The following TECTA variants were observed in gnomAD, a reference collection of about 807,000 sequenced individuals.
TECTA encodes the protein tectorin alpha.
Under a neutral mutation model 216.8 loss-of-function variants are expected in TECTA, and 128 were observed. The ratio of observed to expected loss-of-function variants is 0.59; its 90% confidence interval spans 0.51 to 0.68. The LOEUF is 0.68. TECTA is among the 30% of genes least tolerant of loss of function. The pLI is 0.00. For synonymous variants in TECTA, 1,089 were observed against 1,117.1 expected (o/e 0.97, Z 0.50); for missense variants, 2,551 against 2,786.2 (o/e 0.92, Z 1.90).
chr11:121,155,258 C>G (rs1472692818), intron 13 of TECTA, among the ~76,000 whole-genome samples: 2 of 152,186 alleles, frequency 1.3e-5, no homozygotes, highest in Non-Finnish European at 2.9e-5. Context: ...GTTTCAGGAT[C>G]AGATTCTCTT....
At chr11:121,176,776 A>C (rs1947171648) in intron 20 of TECTA, among the ~76,000 whole-genome samples, 1 of 152,028 alleles carries the variant, frequency 6.6e-6, no homozygotes, top group African/African-American at 2.4e-5. Context: ...GTATTTTCCA[A>C]CTTGGTTCCA....
In TECTA at chr11:121,105,438, A is replaced by C. The variant is rs914298227; in HGVS notation, c.65-393A>C. Among the ~76,000 whole-genome samples, 2 of 152,228 alleles carry C rather than the reference A, an allele frequency of 1.3e-5. No homozygotes were observed. The highest frequency in any genetic ancestry group is 2.4e-5 in the African/African-American group (1 of 41,468). ...TTTCAGGAAAACACACGATAGTGGA[A>C]TTCTTGAGCTAGAACAGGAGCTTCA... On this transcript the variant is annotated intron_variant, in intron 2 of 23. Transcript: ENST00000392793. The surrounding 1 kb of genome is among the most constrained non-coding windows in gnomAD (Gnocchi z 5.3).
Position 121,129,970 on chromosome 11 carries a change from G to T in TECTA, c.2700G>T (p.Ser900=). The part of the protein sequence containing the change: ...GDLLKACNND[S]ELLKFYRSRS... ...TGCTGAAGGCCTGCAACAATGACTC[G>T]GAGCTGCTCAAGTTTTATCGAAGCC... is the stretch of plus-strand genomic sequence containing the variant. Residue 900 remains serine, a synonymous_variant, in exon 10 of 24, where the codon TCG becomes TCT. Transcript: ENST00000392793. 6.2e-7 allele frequency: 1 copy of T among 1,605,504 alleles called. No individual in the cohort carries two copies. The highest frequency in any genetic ancestry group is 8.5e-7 in the Non-Finnish European group (1 of 1,174,464).
chr11:121,158,309 C>A, intron 14 of TECTA, 85 bp downstream of exon 14: 2 of 1,550,780 alleles, frequency 1.3e-6, no homozygotes, highest in South Asian at 1.1e-5. Flanking sequence ...CCCAGATAGC[C>A]AAGTTGTAGG....
chr11:121,157,518 A>G (rs1946953433), intron 13 of TECTA, among the ~76,000 whole-genome samples: 1 of 152,176 alleles, frequency 6.6e-6, no homozygotes. Flanking sequence ...GCTTGAGTCC[A>G]GGCGTTCCGG....
intron 13 of TECTA, among the ~76,000 whole-genome samples, chr11:121,154,922 C>A (rs1946926339): frequency 1.3e-5 from 2 of 152,182 alleles, no homozygotes; most frequent in South Asian, 4.1e-4. Flanking sequence ...AAGAAAAGCC[C>A]TTGGAACTCT....
intron 3 of TECTA, among the ~76,000 whole-genome samples, chr11:121,106,573 A>G (rs1201160485): frequency 6.6e-6 from 1 of 152,104 alleles, no homozygotes; most frequent in Non-Finnish European, 1.5e-5. Context: ...TTTTTGGATC[A>G]TTGGGTTTGC....
chr11:121,174,860 A>C (rs146482525), intron 20 of TECTA, among the ~76,000 whole-genome samples: 4,907 of 152,266 alleles, frequency 0.032, 264 homozygotes, highest in African/African-American at 0.11. Flanking sequence ...TTATTTCCAC[A>C]ATTTCAGAGC....
intron 20 of TECTA, among the ~76,000 whole-genome samples, chr11:121,175,379 TC>T (rs1191334387): frequency 6.6e-6 from 1 of 152,204 alleles, no homozygotes; most frequent in African/African-American, 2.4e-5. Context: ...TCCCAGAGAT[TC>T]TGGTATGTTG....
Position 121,146,129 on chromosome 11 carries a change from C to G in TECTA, c.4105+13C>G, listed in dbSNP as rs7130952. 6.2e-7 allele frequency: 1 copy of G among 1,603,488 alleles called. No homozygotes were observed. The highest frequency in any genetic ancestry group is 8.5e-7 in the Non-Finnish European group (1 of 1,179,872). ...TACACGTCCTGCAGTGAGTCCTTCT[C>G]GTTGTCCCTCCTTGTAGCTTCTCCT... On this transcript the variant is annotated intron_variant, in intron 12 of 23. Transcript: ENST00000392793.
chr11:121,135,126 G>A (rs969426291), intron 10 of TECTA, among the ~76,000 whole-genome samples: 10 of 152,192 alleles, frequency 6.6e-5, no homozygotes, highest in East Asian at 3.9e-4. Flanking sequence ...TCAGGCCGCC[G>A]AGCACTAAGG....
intron 11 of TECTA, chr11:121,141,114 T>A (rs594951): frequency 6.6e-6 from 1 of 152,002 alleles, no homozygotes; most frequent in South Asian, 2.1e-4. Flanking sequence ...AAGCTCAGGG[T>A]GCATTGAGGG....
intron 6 of TECTA, among the ~76,000 whole-genome samples, chr11:121,116,048 C>T (rs777290665): frequency 2.0e-5 from 3 of 152,190 alleles, no homozygotes; most frequent in Non-Finnish European, 2.9e-5. Context: ...TTAGTGCCTT[C>T]GCTCTAAGGT....
chr11:121,116,378 G>C (rs963468094), intron 6 of TECTA, among the ~76,000 whole-genome samples: 2 of 152,206 alleles, frequency 1.3e-5, no homozygotes, highest in Admixed American at 6.5e-5. Flanking sequence ...GCATCACAGA[G>C]ATGACTGGCT....
chr11:121,109,260 C>T lies in TECTA; in HGVS notation c.248C>T (p.Thr83Met), dbSNP rs145898158. The T allele has an allele frequency of 9.8e-5, 158 of 1,614,034 alleles. 1 individual carries two copies. Among genetic ancestry groups the T allele is most frequent in the South Asian group, 1.6e-4 (15 of 91,084 alleles). Residue 83 changes from threonine (T) to methionine (M), a missense_variant, in exon 4 of 24, where the codon ACG becomes ATG. By Grantham distance (81) the Thr-to-Met change is moderately conservative. Around this residue, in one of 3 missense-constraint regions of TECTA, gnomAD observed 2,375 missense variants for 2,563.9 expected, o/e 0.93. Transcript: ENST00000392793. ...VSFNVLVSQF[T>M]PESFPLTDGR... ...TTCAATGTGCTAGTGAGCCAGTTCA[C>T]GCCAGAATCCTTTCCCCTGACAGAT...
intron 17 of TECTA, 95 bp from the exon 18 acceptor site, chr11:121,166,483 T>C: frequency 7.6e-7 from 1 of 1,314,258 alleles, no homozygotes; most frequent in Non-Finnish European, 1.1e-6. Flanking sequence ...GTCATTTGCC[T>C]CTTCTAAAGG....
At chr11:121,155,514 A>G (rs1001540151) in intron 13 of TECTA, among the ~76,000 whole-genome samples, 1 of 152,196 alleles carries the variant, frequency 6.6e-6, no homozygotes. Context: ...AAGAATCAGC[A>G]ATAGCATCTT....
chr11:121,129,467 T>G (rs1202564776), intron 9 of TECTA, among the ~76,000 whole-genome samples, 171 bp from the exon 10 acceptor site: 1 of 152,018 alleles, frequency 6.6e-6, no homozygotes. Context: ...CAAAAAGAAA[T>G]AAATAAAGAA....
At chr11:121,147,506 C>T (rs929793204) in intron 12 of TECTA, among the ~76,000 whole-genome samples, 2 of 151,922 alleles carry the variant, frequency 1.3e-5, no homozygotes, top group Non-Finnish European at 2.9e-5. Flanking sequence ...GTAGGGATGA[C>T]GGTCCTGACA....
Sources: allele counts gnomAD v4.1 joint callset (sites outside exome capture counted in the v4.1 genomes callset), GRCh38; gene constraint gnomAD v4.1.1; regional missense constraint gnomAD v4.1.1; non-coding constraint Gnocchi (gnomAD v3.1); transcripts MANE v1.5; gene names NCBI Gene and HGNC (gene_info 2026-07-23, HGNC 2026-07-21).